Variants in SETD7 observed in about 807,000 individuals in gnomAD.
SETD7 encodes the protein SET domain containing 7, histone lysine methyltransferase, also known as histone-lysine N-methyltransferase SETD7.
In SETD7, 16 loss-of-function variants were observed where a neutral mutation model predicts 41.8. The observed-to-expected ratio is 0.38, with a 90% confidence interval of 0.26 to 0.58. The LOEUF (loss-of-function observed/expected upper bound fraction) is 0.58, where lower values mean the gene tolerates loss of function less well. Ranked by LOEUF, SETD7 falls within the 20% of genes least tolerant of loss-of-function variation. The pLI, the probability that SETD7 is intolerant of heterozygous loss-of-function variation, is 0.64. For missense variants in SETD7, 346 were observed against 459.7 expected (o/e 0.75, Z 2.26); for synonymous variants, 163 against 169.7 (o/e 0.96, Z 0.31).
chr4:139,499,748 A>G (rs1726532840), intron 7 of SETD7, among the ~76,000 whole-genome samples: 1 of 152,082 alleles, frequency 6.6e-6, no homozygotes, highest in Non-Finnish European at 1.5e-5. Context: ...TGGCCCTGTG[A>G]TCATTAAATT....
intron 2 of SETD7, among the ~76,000 whole-genome samples, chr4:139,539,479 T>C (rs2111162340): frequency 6.6e-6 from 1 of 152,344 alleles, no homozygotes; most frequent in Non-Finnish European, 1.5e-5. Context: ...AGAACTCTAA[T>C]GCTTCCATAT....
At position 139,509,387 on chromosome 4, in the gene SETD7, C is replaced by T. The variant is rs147883958; in HGVS notation, c.*2276G>A. On this transcript the variant is annotated 3_prime_UTR_variant, in exon 8 of 8. Coordinates refer to ENST00000274031, the MANE Select transcript of SETD7 (RefSeq NM_030648.4). ...CTCATCTGAAGAACTGATTAGCAGA[C>T]TAATCACTACTTACAACTCTTCAAT... The T allele has an allele frequency of 6.6e-6, 1 of 152,294 alleles. No homozygotes were observed. Among genetic ancestry groups the T allele is most frequent in the African/African-American group, 2.4e-5 (1 of 41,554 alleles). The allele number at this position is 152,294 out of a possible 1,614,324, so 9.4% of individuals were successfully genotyped here. A position where few individuals can be genotyped will look rare whatever the true frequency, so the allele number is the denominator to read the frequency against.
At chr4:139,556,023 G>A in intron 1 of SETD7, 75 bp downstream of exon 1, 2 of 1,454,854 alleles carry the variant, frequency 1.4e-6, no homozygotes, top group Non-Finnish European at 1.8e-6. Context: ...GCGCCGCGCT[G>A]TTCGCAGCCC....
At chr4:139,531,526 G>A (rs1246858160) in intron 3 of SETD7, among the ~76,000 whole-genome samples, 1 of 152,082 alleles carries the variant, frequency 6.6e-6, no homozygotes, top group East Asian at 1.9e-4. Context: ...CACCTCCACC[G>A]CTTCTGATCT....
chr4:139,520,366 T>C lies in SETD7; in HGVS notation c.673A>G (p.Ser225Gly), dbSNP rs1341821785. 6.2e-7 allele frequency: 1 copy of C among 1,607,858 alleles called. No individual in the cohort carries two copies. The highest frequency in any genetic ancestry group is 1.1e-5 in the South Asian group (1 of 89,840). The stretch of plus-strand genomic sequence containing the variant: ...TTTGAAAAAAGTCCTTCTCCAGCAC[T>C]GGAAATAAGAGATTCAGCAACATAA... ...RVYVAESLIS[S>G]AGEGLFSKVA... Residue 225 changes from serine (S) to glycine (G), a missense_variant, in exon 6 of 8, where the codon AGT becomes GGT. Physicochemically the swap from Ser to Gly is moderately conservative, Grantham distance 56. Transcript: ENST00000274031.
chr4:139,542,121 G>A (rs1727796505), intron 2 of SETD7, among the ~76,000 whole-genome samples: 1 of 152,196 alleles, frequency 6.6e-6, no homozygotes, highest in South Asian at 2.1e-4. Context: ...ATCATGTAAA[G>A]TGAAATAAGC....
At position 139,538,036 on chromosome 4, in the gene SETD7, G is replaced by A. The variant is rs554740607; in HGVS notation, c.171-4670C>T. On this transcript the variant is annotated intron_variant, in intron 2 of 7. Transcript: ENST00000274031. ...TGGCAAGCTTTCTACTAAAAAACTGGGTTTAAAAAGCATCATCAAAAAAAA... is the reference window on the plus strand; with the variant it reads ...TGGCAAGCTTTCTACTAAAAAACTGAGTTTAAAAAGCATCATCAAAAAAAA... 1.3e-4 allele frequency among the ~76,000 whole-genome samples: 20 copies of A among 151,678 alleles called. No individual in the cohort carries two copies. The South Asian group carries it at 4.0e-3, about 30-fold the overall frequency.
At chr4:139,503,651 T>G (rs1233868104), downstream of SETD7, among the ~76,000 whole-genome samples, 1 of 151,700 alleles carries the variant, frequency 6.6e-6, no homozygotes, top group East Asian at 1.9e-4. Flanking sequence ...TGATTTGAAT[T>G]ATTTTTAAAA....
In SETD7 at chr4:139,511,410, A is replaced by G. The variant is rs1726871083; in HGVS notation, c.*253T>C. ...CAGATTTAGACTTGAACCACCAAAGAACATCACGCTGTCTTATGTCAAATG... is the reference window on the plus strand; with the variant it reads ...CAGATTTAGACTTGAACCACCAAAGGACATCACGCTGTCTTATGTCAAATG... On this transcript the variant is annotated 3_prime_UTR_variant, in exon 8 of 8. Transcript: ENST00000274031. The G allele has an allele frequency of 2.1e-6, 1 of 482,126 alleles. No homozygotes were observed. The allele number at this position is 482,126 out of a possible 1,614,324, so 29.9% of individuals were successfully genotyped here.
At chr4:139,526,200 T>A (rs2592976) in intron 4 of SETD7, among the ~76,000 whole-genome samples, 148,738 of 152,038 alleles carry the variant, frequency 0.98, 72,841 homozygotes, top group Middle Eastern at 1. Context: ...GTAGGCACAC[T>A]CTACCACACC....
rs1726760115 is a variant in SETD7 at position 139,508,127 on chromosome 4, A to C, written c.*3536T>G. 6.6e-6 allele frequency: 1 copy of C among 152,214 alleles called. No individual in the cohort carries two copies. Among genetic ancestry groups the C allele is most frequent in the African/African-American group, 2.4e-5 (1 of 41,446 alleles). The allele number at this position is 152,214 out of a possible 1,614,324, so 9.4% of individuals were successfully genotyped here. On this transcript the variant is annotated 3_prime_UTR_variant, in exon 8 of 8. Coordinates refer to ENST00000274031, the MANE Select transcript of SETD7 (RefSeq NM_030648.4). ...CCCTTTAATTCACTGTTCACAATTA[A>C]TGCAATTTTAATAGTTATATTTAAA...
chr4:139,510,556 T>A lies in SETD7; in HGVS notation c.*1107A>T, dbSNP rs1398408330. On this transcript the variant is annotated 3_prime_UTR_variant, in exon 8 of 8. Coordinates refer to ENST00000274031, the MANE Select transcript of SETD7 (RefSeq NM_030648.4). ...GCAGGTAAGTGCTTTGAAATTACAA[T>A]GATGAAGAGTTTTAGCATCAAGGTT... 1 of 152,198 alleles carries A rather than the reference T, an allele frequency of 6.6e-6. No individual in the cohort carries two copies. Among genetic ancestry groups the A allele is most frequent in the Non-Finnish European group, 1.5e-5 (1 of 68,036 alleles). The allele number at this position is 152,198 out of a possible 1,614,324, so 9.4% of individuals were successfully genotyped here.
chr4:139,522,879 G>A (rs1440345885), intron 5 of SETD7, among the ~76,000 whole-genome samples: 2 of 150,568 alleles, frequency 1.3e-5, no homozygotes, highest in Non-Finnish European at 2.9e-5. Flanking sequence ...TCAGCCTCCC[G>A]AGTAGCTGGG....
rs561270842 is a variant in SETD7 at position 139,551,191 on chromosome 4, C to T, written c.41-4142G>A. On this transcript the variant is annotated intron_variant, in intron 1 of 7. Transcript: ENST00000274031. Reference sequence around the variant, plus strand: ...AACTTGAAGGGAAACACTAGTCCTCCTTGCTCTGCATGAGGTCAATTTGTA... The same window carrying T: ...AACTTGAAGGGAAACACTAGTCCTCTTTGCTCTGCATGAGGTCAATTTGTA... Among the ~76,000 whole-genome samples the T allele has an allele frequency of 4.6e-4, 70 of 152,240 alleles. 1 individual carries two copies. Among genetic ancestry groups the T allele is most frequent in the Non-Finnish European group, 8.8e-4 (60 of 68,038 alleles).
intron 7 of SETD7, among the ~76,000 whole-genome samples, chr4:139,500,863 G>A (rs1009897670): frequency 3.3e-5 from 5 of 151,956 alleles, no homozygotes; most frequent in East Asian, 3.9e-4. Flanking sequence ...AATAGTTTTC[G>A]GGGCCCCTGT....
chr4:139,543,728 G>A (rs571350254), intron 2 of SETD7, among the ~76,000 whole-genome samples: 233 of 151,328 alleles, frequency 1.5e-3, no homozygotes, highest in African/African-American at 5.2e-3. Flanking sequence ...CAAGGCGGGC[G>A]GATCACGAGG....
chr4:139,549,439 T>TAA (rs1281305588), intron 1 of SETD7, among the ~76,000 whole-genome samples: 1 of 152,190 alleles, frequency 6.6e-6, no homozygotes, highest in Non-Finnish European at 1.5e-5. Context: ...TAACATACTG[T>TAA]AAGCCCTTGG....
chr4:139,533,231 C>G lies in SETD7; in HGVS notation c.306G>C (p.Gly102=). 6.2e-7 allele frequency: 1 copy of G among 1,614,202 alleles called. No homozygotes were observed. Residue 102 remains glycine (G), a synonymous_variant, in exon 3 of 8, where the codon GGG becomes GGC. Transcript: ENST00000274031. ...TATACTGCCCCTTGAAGATCAGTCT[C>G]CCATCTGTGTCATATTCCTGGGCTG... ...NGPAQEYDTD[G]RLIFKGQYKD...
chr4:139,502,333 T>C (rs1403789520), downstream of SETD7, among the ~76,000 whole-genome samples: 2 of 151,892 alleles, frequency 1.3e-5, no homozygotes, highest in Admixed American at 6.6e-5. Context: ...TGGTGAAAAA[T>C]AAAGGAGGGT....
Sources: allele counts gnomAD v4.1 joint callset (sites outside exome capture counted in the v4.1 genomes callset), GRCh38; gene constraint gnomAD v4.1.1; transcripts MANE v1.5; gene names NCBI Gene and HGNC (gene_info 2026-07-23, HGNC 2026-07-21).